Variants in RBPJ observed in about 807,000 individuals in gnomAD.
RBPJ encodes the protein recombination signal binding protein for immunoglobulin kappa J region, also known as recombining binding protein suppressor of hairless.
RBPJ carries 9 observed loss-of-function variants against 67.8 expected under a neutral mutation model. The ratio of observed to expected loss-of-function variants is 0.13; its 90% CI spans 0.08 to 0.23. The LOEUF is 0.23. Ranked by LOEUF, RBPJ falls within the 10% of genes least tolerant of loss-of-function variation. The pLI, the probability that RBPJ is intolerant of heterozygous loss-of-function variation, is 1.00. For missense variants in RBPJ, 305 were observed against 595.6 expected (o/e 0.51, Z 5.08); for synonymous variants, 198 against 203.3 (o/e 0.97, Z 0.22).
chr4:26,112,663 AAGG>A, the RBPJ span: 1 of 151,610 alleles, frequency 6.6e-6, no homozygotes, highest in Non-Finnish European at 1.5e-5. Flanking sequence ...TCATTTGGAA[AAGG>A]AGCCATATGG....
At chr4:26,210,233 G>C (rs1258880901) in intron 1 of RBPJ, among the ~76,000 whole-genome samples, 2 of 152,170 alleles carry the variant, frequency 1.3e-5, no homozygotes, top group Non-Finnish European at 2.9e-5. Context: ...TGGGAATATA[G>C]TCTTCCCTGA....
the RBPJ span, among the ~76,000 whole-genome samples, chr4:26,144,273 T>TTC: frequency 7.0e-6 from 1 of 143,278 alleles, no homozygotes. Context: ...AATTCTTTTT[T>TTC]TTTTTTTTTT....
At chr4:26,382,468 T>C (rs1730423580) in intron 1 of RBPJ, among the ~76,000 whole-genome samples, 1 of 152,240 alleles carries the variant, frequency 6.6e-6, no homozygotes, top group South Asian at 2.1e-4. Flanking sequence ...TTAATGTGTA[T>C]CCCTATGGAG....
the RBPJ span, among the ~76,000 whole-genome samples, chr4:26,114,497 A>ATATATATATGTGTGTGTG: frequency 1.4e-5 from 2 of 140,038 alleles, no homozygotes; most frequent in African/African-American, 5.5e-5. Context: ...ATATATATAT[A>ATATATATATGTGTGTGTG]TGTATGTGTG....
chr4:26,175,589 C>A (rs1024585277), intron 1 of RBPJ, among the ~76,000 whole-genome samples: 1 of 152,164 alleles, frequency 6.6e-6, no homozygotes, highest in African/African-American at 2.4e-5. Context: ...ACCACAGTGG[C>A]CTCTGAAGTC....
chr4:26,169,235 A>C (rs1465659706), intron 1 of RBPJ, among the ~76,000 whole-genome samples: 5 of 152,072 alleles, frequency 3.3e-5, no homozygotes, highest in Admixed American at 6.5e-5. Flanking sequence ...ATGGTGATGT[A>C]CAGATGGGTT....
intron 1 of RBPJ, among the ~76,000 whole-genome samples, chr4:26,340,138 G>A (rs1194515367): frequency 6.6e-6 from 1 of 152,206 alleles, no homozygotes; most frequent in Non-Finnish European, 1.5e-5. Context: ...CATTATGTTA[G>A]AAGGTGATGC....
At chr4:26,420,309 T>A (rs1283691424) in intron 4 of RBPJ, among the ~76,000 whole-genome samples, 1 of 152,164 alleles carries the variant, frequency 6.6e-6, no homozygotes, top group Non-Finnish European at 1.5e-5. Flanking sequence ...TTTTAAATGG[T>A]CTTTTAAAGA....
At chr4:26,302,907 G>A (rs111789469) in intron 1 of RBPJ, among the ~76,000 whole-genome samples, 2 of 152,066 alleles carry the variant, frequency 1.3e-5, no homozygotes, top group African/African-American at 2.4e-5. Flanking sequence ...CTGGCTGGGC[G>A]CAGTGGCCTA....
At chr4:26,134,246 G>A in the RBPJ span, among the ~76,000 whole-genome samples, 1 of 152,164 alleles carries the variant, frequency 6.6e-6, no homozygotes, top group African/African-American at 2.4e-5. Context: ...GATACCAAAC[G>A]CCTTTTCACA....
chr4:26,142,903 T>C, the RBPJ span, among the ~76,000 whole-genome samples: 1 of 152,268 alleles, frequency 6.6e-6, no homozygotes, highest in East Asian at 1.9e-4. Flanking sequence ...TGCCTCAGCC[T>C]CCCAGGTAGC....
At chr4:26,210,346 G>A (rs2109168914) in intron 1 of RBPJ, among the ~76,000 whole-genome samples, 1 of 152,256 alleles carries the variant, frequency 6.6e-6, no homozygotes. Flanking sequence ...TGTGTGAGTT[G>A]AGGGAGGGAG....
Position 26,357,551 on chromosome 4 carries a change from TCA to T in RBPJ, c.21-28801_21-28800del, listed in dbSNP as rs373547563. 6.0e-3 allele frequency among the ~76,000 whole-genome samples: 913 copies of T among 152,330 alleles called. 13 individuals carry two copies. Among genetic ancestry groups the T allele is most frequent in the African/African-American group, 0.021 (873 of 41,568 alleles). ...TATTTGTGTATCTCATCAGGTGTGT[TCA>T]GTTTATTTATTGTAGCAAAATATAC... On this transcript the variant is annotated intron_variant, in intron 1 of 10. Coordinates refer to ENST00000355476, the MANE Select transcript of RBPJ (RefSeq NM_015874.6).
At chr4:26,423,171 A>G (rs1203967587) in intron 5 of RBPJ, among the ~76,000 whole-genome samples, 1 of 152,214 alleles carries the variant, frequency 6.6e-6, no homozygotes, top group Non-Finnish European at 1.5e-5. Context: ...TACTATTGCA[A>G]TAGGGGAAAA....
chr4:26,185,189 G>A (rs1717196541), intron 1 of RBPJ, among the ~76,000 whole-genome samples: 1 of 103,836 alleles, frequency 9.6e-6, no homozygotes, highest in East Asian at 3.9e-4. Context: ...CATCAAGGAG[G>A]GATTTTTTTT....
At chr4:26,389,312 AAAAC>A (rs760205997) in intron 2 of RBPJ, among the ~76,000 whole-genome samples, 38 of 151,810 alleles carry the variant, frequency 2.5e-4, no homozygotes, top group African/African-American at 8.7e-4. Flanking sequence ...GATAAAGAAA[AAAAC>A]AACAGAAAAC....
At chr4:26,363,321 G>A (rs989569284) in intron 1 of RBPJ, among the ~76,000 whole-genome samples, 1 of 152,122 alleles carries the variant, frequency 6.6e-6, no homozygotes, top group African/African-American at 2.4e-5. Context: ...CGTATTTTTA[G>A]TAGAGACAGG....
chr4:26,417,219 G>T (rs1438011834), intron 4 of RBPJ, among the ~76,000 whole-genome samples: 2 of 152,142 alleles, frequency 1.3e-5, no homozygotes, highest in African/African-American at 4.8e-5. Flanking sequence ...CTACTTCATT[G>T]CTCATTTTAA....
intron 1 of RBPJ, among the ~76,000 whole-genome samples, chr4:26,192,842 C>T (rs1162092141): frequency 6.6e-6 from 1 of 152,178 alleles, no homozygotes; most frequent in Non-Finnish European, 1.5e-5. Context: ...ATATCCTAGT[C>T]ACCAGAACCT....
Sources: gnomAD v4.1 joint callset for allele counts (sites outside exome capture counted in the v4.1 genomes callset) on GRCh38, gnomAD v4.1.1 for gene constraint, MANE v1.5 for transcripts, NCBI Gene and HGNC (gene_info 2026-07-23, HGNC 2026-07-21) for gene names.